Variants in LAT2 observed in about 807,000 individuals in gnomAD.
LAT2 encodes the protein linker for activation of T cells family member 2.
A neutral mutation model predicts 43.4 loss-of-function variants in LAT2; 23 were observed. That is an observed-to-expected ratio of 0.53 (90% CI 0.38 to 0.75). The LOEUF (loss-of-function observed/expected upper bound fraction) is 0.75, where lower values mean the gene tolerates loss of function less well. LAT2 is among the 30% of genes least tolerant of loss of function. The pLI, the probability that LAT2 is intolerant of heterozygous loss-of-function variation, is 0.00. For missense variants in LAT2, 284 were observed against 310.2 expected, an observed-to-expected ratio of 0.92 and a Z score of 0.64; for synonymous variants, 128 against 123.2, an observed-to-expected ratio of 1.04 and a Z score of -0.26.
chr7:74,223,925 A>G, intron 11 of LAT2, 93 bp from the exon 12 acceptor site: 2 of 1,487,108 alleles, frequency 1.3e-6, no homozygotes, highest in Non-Finnish European at 1.8e-6. Context: ...CTTTCGGTAG[A>G]GCCTTGCCCC....
intron 13 of LAT2, among the ~76,000 whole-genome samples, chr7:74,227,258 G>C (rs1426276653): frequency 6.6e-6 from 1 of 151,800 alleles, no homozygotes; most frequent in African/African-American, 2.4e-5. Context: ...GTCTCGCTCT[G>C]TCACCCAGGC....
At chr7:74,214,323 TATATATATAAATATATATATATGAAA>T (rs1801889435) in intron 1 of LAT2, among the ~76,000 whole-genome samples, 1 of 63,586 alleles carries the variant, frequency 1.6e-5, no homozygotes, top group Non-Finnish European at 2.6e-5. Context: ...TATATGAAAA[TATATATATAAATATATATATATGAAA>T]ATATATATAT....
At chr7:74,212,511 TG>T (rs1554713292) in intron 1 of LAT2, among the ~76,000 whole-genome samples, 1 of 151,988 alleles carries the variant, frequency 6.6e-6, no homozygotes, top group Non-Finnish European at 1.5e-5. Flanking sequence ...CAAACTCAAG[TG>T]ATCCTCCTGT....
Position 74,216,042 on chromosome 7 carries a change from A to G in LAT2, c.67A>G (p.Ser23Gly), listed in dbSNP as rs1554714232. 4 of 1,613,354 alleles carry G rather than the reference A, an allele frequency of 2.5e-6. No individual in the cohort carries two copies. The South Asian group carries it at 4.4e-5, about 18-fold the overall frequency. Residue 23 changes from serine (S) to glycine (G), a missense_variant, in exon 3 of 14, where the codon AGT (serine) becomes GGT (glycine). By Grantham distance (56) the Ser-to-Gly change is moderately conservative. Transcript: ENST00000460943. ...GCTGGTGCTGTTGGGGGTGGCAGCC[A>G]GTCTGTGTGTGCGCTGCTCACGCCC... is the stretch of plus-strand genomic sequence containing the variant. ...ALLVLLGVAA[S>G]LCVRCSRPGA...
chr7:74,220,519 A>G lies in LAT2; in HGVS notation c.266-65A>G. On this transcript the variant is annotated intron_variant, in intron 7 of 13. Coordinates refer to ENST00000460943, the MANE Select transcript of LAT2 (RefSeq NM_032464.3). This position sits in a 1 kb window ranked among gnomAD's most constrained non-coding sequence, Gnocchi z 4.5. ...AATAGCTGGCCCTGCCTTGGGCTGC[A>G]GCACCCGAGCTGGGTGCAAAGCAGG... 2 of 1,595,424 alleles carry G rather than the reference A, an allele frequency of 1.3e-6. No homozygotes were observed. Among genetic ancestry groups the G allele is most frequent in the South Asian group, 1.1e-5 (1 of 90,474 alleles).
At position 74,224,685 on chromosome 7, in the gene LAT2, C is replaced by G. The variant is rs372109357; in HGVS notation, c.675C>G (p.Asp225Glu). 1.2e-5 allele frequency: 19 copies of G among 1,608,414 alleles called. No homozygotes were observed. Among genetic ancestry groups the G allele is most frequent in the Admixed American group, 1.7e-5 (1 of 59,132 alleles). The change falls in exon 13 of 14, where the codon GAC (aspartate) becomes GAG (glutamate). Residue 225 changes from aspartate to glutamate, a missense_variant. Coordinates refer to ENST00000460943, the MANE Select transcript of LAT2 (RefSeq NM_032464.3). ...CCCCTGGCCCGGTGGGAAGCCCAGA[C>G]GAGGAGGACGGGGAACCGGATTACG... is the stretch of plus-strand genomic sequence containing the variant. ...EASPGPVGSP[D>E]EEDGEPDYVN...
chr7:74,226,957 C>G (rs939559394), intron 13 of LAT2, among the ~76,000 whole-genome samples: 1 of 146,808 alleles, frequency 6.8e-6, no homozygotes, highest in Non-Finnish European at 1.5e-5. Flanking sequence ...TAGTGGAGGT[C>G]GAGGCCGTTG....
chr7:74,210,454 G>T (rs1554712967), intron 1 of LAT2, among the ~76,000 whole-genome samples: 1 of 152,178 alleles, frequency 6.6e-6, no homozygotes, highest in African/African-American at 2.4e-5. Flanking sequence ...ACAGGTCAGG[G>T]GAAAACGGTG....
chr7:74,222,374 C>T (rs1802319208), intron 10 of LAT2, among the ~76,000 whole-genome samples: 1 of 150,022 alleles, frequency 6.7e-6, no homozygotes, highest in Non-Finnish European at 1.5e-5. Context: ...GCACTCCAGC[C>T]TGGGCAACAG....
Position 74,224,835 on chromosome 7 carries a change from G to A in LAT2, c.*18+75G>A, listed in dbSNP as rs1802427016. The A allele has an allele frequency of 2.1e-5, 24 of 1,122,050 alleles. 1 individual carries two copies. In the South Asian group the frequency reaches 3.6e-4, roughly 17 times the overall value. The allele number at this position is 1,122,050 out of a possible 1,614,324, so 69.5% of individuals were successfully genotyped here. A position where few individuals can be genotyped will look rare whatever the true frequency, so the allele number is the denominator to read the frequency against. On this transcript the variant is annotated intron_variant, in intron 13 of 13. Transcript: ENST00000460943. ...CCAAGCTGCAGGACCCCCAATCCAA[G>A]GGAACAGCCGAGAGTGTGGGTGGAG... is the stretch of plus-strand genomic sequence containing the variant.
intron 1 of LAT2, among the ~76,000 whole-genome samples, chr7:74,212,196 C>T (rs1324924808): frequency 3.9e-5 from 6 of 152,226 alleles, no homozygotes; most frequent in African/African-American, 9.6e-5. Context: ...CCTCCTGTCT[C>T]GGCCTCCCAG....
At chr7:74,216,117 C>A in intron 3 of LAT2, 48 bp downstream of exon 3, 1 of 1,479,584 alleles carries the variant, frequency 6.8e-7, no homozygotes, top group Non-Finnish European at 9.2e-7. Context: ...GTGGACAGTG[C>A]ATCTCAGAGG....
In LAT2 at chr7:74,223,312, G is replaced by A. The variant is rs571111690; in HGVS notation, c.389-412G>A. On this transcript the variant is annotated intron_variant, in intron 10 of 13. Coordinates refer to ENST00000460943, the MANE Select transcript of LAT2 (RefSeq NM_032464.3). ...TCAAGACCAGCCTGGGCAACACAGC[G>A]AGATCCTCTCTACAAACAATTTTAA... Among the ~76,000 whole-genome samples, 75 of 152,324 alleles carry A rather than the reference G, an allele frequency of 4.9e-4. 1 individual carries two copies. The highest frequency in any genetic ancestry group is 3.4e-3 in the Admixed American group (52 of 15,294).
chr7:74,223,817 G>T, intron 11 of LAT2, 34 bp downstream of exon 11: 1 of 1,601,808 alleles, frequency 6.2e-7, no homozygotes, highest in South Asian at 1.1e-5. Context: ...GGCTGGGGCT[G>T]GGAGCAGCAG....
intron 9 of LAT2, among the ~76,000 whole-genome samples, chr7:74,221,287 T>C (rs1802264648): frequency 6.6e-6 from 1 of 151,708 alleles, no homozygotes; most frequent in Admixed American, 6.6e-5. Context: ...TGGTGGTGCG[T>C]GCCTGTAATC....
At chr7:74,215,356 A>C (rs1801998875) in intron 2 of LAT2, 1 of 153,488 alleles carries the variant, frequency 6.5e-6, no homozygotes. Context: ...GGGGGACCCC[A>C]AGGCAGGAGG....
At chr7:74,216,637 G>A (rs1407485165) in intron 3 of LAT2, among the ~76,000 whole-genome samples, 188 bp from the exon 4 acceptor site, 1 of 152,130 alleles carries the variant, frequency 6.6e-6, no homozygotes, top group African/African-American at 2.4e-5. Context: ...CCAAAGTGCT[G>A]GAATTACAGG....
chr7:74,218,010 C>G (rs1026399647), intron 4 of LAT2, among the ~76,000 whole-genome samples: 1 of 152,188 alleles, frequency 6.6e-6, no homozygotes, highest in Non-Finnish European at 1.5e-5. Context: ...CCGATGCCCC[C>G]CATGCCCTTG....
chr7:74,220,731 A>G lies in LAT2; in HGVS notation c.329A>G (p.Tyr110Cys). The change falls in exon 9 of 14, where the codon TAC becomes TGC. Residue 110 changes from tyrosine (Y) to cysteine (C), a missense_variant. By Grantham distance (194) the Tyr-to-Cys change is radical (BLOSUM62 -2). Transcript: ENST00000460943. This position sits in a 1 kb window ranked among gnomAD's most constrained non-coding sequence, Gnocchi z 4.5. ...KGSRHGSEEA[Y>C]IDPIAMEYYN... ...AGCAGACACGGGTCGGAGGAAGCCT[A>G]CATGTGAGTGACCTTGATCCTGTCC... 1 of 1,593,754 alleles carries G rather than the reference A, an allele frequency of 6.3e-7. No homozygotes were observed. The highest frequency in any genetic ancestry group is 8.6e-7 in the Non-Finnish European group (1 of 1,165,568).
Sources: allele counts gnomAD v4.1 joint callset (sites outside exome capture counted in the v4.1 genomes callset), GRCh38; gene constraint gnomAD v4.1.1; non-coding constraint Gnocchi (gnomAD v3.1); transcripts MANE v1.5; gene names NCBI Gene and HGNC (gene_info 2026-07-23, HGNC 2026-07-21).